Variants in MGAM2 observed in about 807,000 individuals in gnomAD.
MGAM2 encodes the protein maltase-glucoamylase 2 (putative).
MGAM2 carries 98 observed loss-of-function variants against 96.1 expected under a neutral mutation model. The observed-to-expected ratio is 1.02, with a 90% CI of 0.87 to 1.21. MGAM2 has a LOEUF of 1.21. Among genes scored for constraint, MGAM2 ranks in the 50% most tolerant of loss-of-function variants. The pLI is 0.00. For missense variants in MGAM2, 2,055 were observed against 1,182.4 expected (o/e 1.74, Z -10.82); for synonymous variants, 749 against 414.8 (o/e 1.81, Z -9.79).
intron 12 of MGAM2, among the ~76,000 whole-genome samples, chr7:142,142,536 T>G (rs1795262121): frequency 7.0e-6 from 1 of 142,372 alleles, no homozygotes; most frequent in African/African-American, 2.6e-5. Flanking sequence ...TTTTTTTTTT[T>G]TTTTTTTTTT....
chr7:142,162,276 A>C (rs1795911979), intron 23 of MGAM2, among the ~76,000 whole-genome samples: 1 of 152,106 alleles, frequency 6.6e-6, no homozygotes, highest in African/African-American at 2.4e-5. Flanking sequence ...CTGGCTTCCA[A>C]GATGTGCCTT....
intron 3 of MGAM2, among the ~76,000 whole-genome samples, chr7:142,125,885 A>G (rs904280879): frequency 6.6e-6 from 1 of 152,134 alleles, no homozygotes; most frequent in Non-Finnish European, 1.5e-5. Context: ...TATGTACAGA[A>G]CAAAATGAGA....
chr7:142,169,562 C>G (rs1796131250), intron 26 of MGAM2, among the ~76,000 whole-genome samples: 1 of 152,122 alleles, frequency 6.6e-6, no homozygotes, highest in Non-Finnish European at 1.5e-5. Context: ...TTTATTCTTC[C>G]CACACTTCAG....
chr7:142,146,802 A>G (rs942513151), intron 14 of MGAM2, among the ~76,000 whole-genome samples: 1 of 150,738 alleles, frequency 6.6e-6, no homozygotes, highest in African/African-American at 2.4e-5. Context: ...ATCTCGGCTC[A>G]TTGCCACCTC....
chr7:142,200,298 G>A (rs34926832), intron 45 of MGAM2, among the ~76,000 whole-genome samples: 4,432 of 152,184 alleles, frequency 0.029, 98 homozygotes, highest in Non-Finnish European at 0.047. Context: ...TTCTCAATGG[G>A]ACAGAAACAT....
intron 3 of MGAM2, among the ~76,000 whole-genome samples, chr7:142,122,519 T>C (rs1416974711): frequency 6.6e-6 from 1 of 152,236 alleles, no homozygotes; most frequent in Admixed American, 6.5e-5. Context: ...TTCCCAATAG[T>C]TATTCCGACT....
chr7:142,166,536 T>C (rs1796032385), intron 25 of MGAM2, among the ~76,000 whole-genome samples: 1 of 152,168 alleles, frequency 6.6e-6, no homozygotes, highest in Non-Finnish European at 1.5e-5. Flanking sequence ...ACCAATCTTG[T>C]TTTGTCTGTT....
Position 142,146,442 on chromosome 7 carries a change from CA to C in MGAM2, c.1517-1011del. Among the ~76,000 whole-genome samples the C allele has an allele frequency of 5.9e-5, 9 of 152,184 alleles. 1 individual carries two copies. In the South Asian group the frequency reaches 1.9e-3, roughly 32 times the overall value. The stretch of plus-strand genomic sequence containing the variant: ...TACATTTCAACTTAATTTCCAGCTC[CA>C]AACCTTGATTCTGTTATACTGCGTA... On this transcript the variant is annotated intron_variant, in intron 14 of 47. Transcript: ENST00000477922.
intron 14 of MGAM2, among the ~76,000 whole-genome samples, chr7:142,146,158 T>A (rs1391099207): frequency 7.4e-6 from 1 of 134,408 alleles, no homozygotes; most frequent in African/African-American, 2.7e-5. Flanking sequence ...TTTTTTTTTT[T>A]TTCTTAATTT....
chr7:142,215,473 AC>A (rs1020033340), intron 46 of MGAM2, among the ~76,000 whole-genome samples: 10 of 151,634 alleles, frequency 6.6e-5, no homozygotes, highest in South Asian at 2.1e-4. Flanking sequence ...AAAAAAAAAA[AC>A]ATTTGGCTGA....
At chr7:142,201,513 A>C (rs968611480) in intron 45 of MGAM2, among the ~76,000 whole-genome samples, 2 of 152,238 alleles carry the variant, frequency 1.3e-5, no homozygotes, top group East Asian at 3.8e-4. Flanking sequence ...CATTTTAAGA[A>C]TACAGTTAGG....
intron 14 of MGAM2, among the ~76,000 whole-genome samples, chr7:142,145,489 A>G (rs1343797674): frequency 6.6e-6 from 1 of 151,772 alleles, no homozygotes; most frequent in Non-Finnish European, 1.5e-5. Context: ...TATAGGTCCC[A>G]TTTCTAGTCA....
rs377570577 is a variant in MGAM2 at position 142,189,930 on chromosome 7, A to G, written c.4346+425A>G. ...TCACACAATATGTGCTCTTTTGTAT[A>G]TGGGTACTTTCACTTGGCATAATGT... On this transcript the variant is annotated intron_variant, in intron 37 of 47. Coordinates refer to ENST00000477922, the MANE Select transcript of MGAM2 (RefSeq NM_001293626.2). Among the ~76,000 whole-genome samples the G allele has an allele frequency of 7.9e-5, 12 of 152,160 alleles. No homozygotes were observed. In the East Asian group the frequency reaches 2.1e-3, roughly 27 times the overall value.
intron 23 of MGAM2, among the ~76,000 whole-genome samples, chr7:142,162,306 A>G (rs1282077783): frequency 6.6e-6 from 1 of 152,076 alleles, no homozygotes; most frequent in African/African-American, 2.4e-5. Flanking sequence ...TTGCAAGTGT[A>G]TATGAGGTGT....
At chr7:142,213,356 C>G (rs1452942603) in intron 46 of MGAM2, among the ~76,000 whole-genome samples, 1 of 151,906 alleles carries the variant, frequency 6.6e-6, no homozygotes, top group Non-Finnish European at 1.5e-5. Flanking sequence ...ACACGAAATA[C>G]CCTTCAAAAA....
At chr7:142,155,473 G>A (rs777987349) in intron 17 of MGAM2, among the ~76,000 whole-genome samples, 28 of 152,196 alleles carry the variant, frequency 1.8e-4, no homozygotes, top group Non-Finnish European at 3.5e-4. Context: ...GTAATCTTAA[G>A]TTGAAATATT....
At chr7:142,173,499 A>C (rs1163199773) in intron 31 of MGAM2, 145 bp downstream of exon 31, 2 of 446,098 alleles carry the variant, frequency 4.5e-6, no homozygotes, top group African/African-American at 2.0e-5. Flanking sequence ...CTATAATACT[A>C]TGTACTTATT....
rs1205489778 is a variant in MGAM2, at chr7:142,198,658, C to T, written c.4967C>T (p.Ala1656Val). The change falls in exon 44 of 48, where the codon GCT becomes GTT. Residue 1656 changes from alanine to valine, a missense_variant. Coordinates refer to ENST00000477922, the MANE Select transcript of MGAM2 (RefSeq NM_001293626.2). Reference protein sequence around the residue: ...TSTGQRKILKAPLDHINLHVR... With the variant: ...TSTGQRKILKVPLDHINLHVR... The stretch of plus-strand genomic sequence containing the variant: ...ACAGGTCAGAGGAAAATCCTGAAGG[C>T]TCCCCTTGACCACATCAACCTTCAT... 2.8e-6 allele frequency: 2 copies of T among 703,386 alleles called. No homozygotes were observed. The highest frequency in any genetic ancestry group is 5.2e-6 in the Non-Finnish European group (2 of 384,986). The allele number at this position is 703,386 out of a possible 1,614,324, so 43.6% of individuals were successfully genotyped here.
rs981342958 is a variant in MGAM2 at position 142,173,211 on chromosome 7, T to G, written c.3562-18T>G. The G allele has an allele frequency of 2.8e-6, 2 of 702,324 alleles. No homozygotes were observed. The highest frequency in any genetic ancestry group is 5.2e-6 in the Non-Finnish European group (2 of 384,480). The allele number at this position is 702,324 out of a possible 1,614,324, so 43.5% of individuals were successfully genotyped here. On this transcript the variant is annotated intron_variant, in intron 30 of 47. Transcript: ENST00000477922. ...TCCCTAAGAAATCTTTCTGGATGCA[T>G]TTTTCTTTTTATTCTAGTTGATTGG... is the stretch of plus-strand genomic sequence containing the variant.
Sources: gnomAD v4.1 joint callset for allele counts (sites outside exome capture counted in the v4.1 genomes callset) on GRCh38, gnomAD v4.1.1 for gene constraint, MANE v1.5 for transcripts, NCBI Gene and HGNC (gene_info 2026-07-23, HGNC 2026-07-21) for gene names.